Variants in SAMSN1 observed in about 807,000 individuals in gnomAD.
SAMSN1 encodes SAM domain, SH3 domain and nuclear localization signals 1, also known as SAM domain-containing protein SAMSN-1.
Under a neutral mutation model 42.0 loss-of-function variants are expected in SAMSN1, and 31 were observed. The observed-to-expected ratio is 0.74, with a 90% CI of 0.55 to 1.00. SAMSN1 has a LOEUF of 1.00. Among genes scored for constraint, SAMSN1 ranks in the 50% least tolerant of loss-of-function variants. The pLI, the probability that SAMSN1 is intolerant of heterozygous loss-of-function variation, is 0.00. For synonymous variants in SAMSN1, 178 were observed against 151.9 expected, an observed-to-expected ratio of 1.17 and a Z score of -1.26; for missense variants, 464 against 439.4, an observed-to-expected ratio of 1.06 and a Z score of -0.50.
intron 2 of SAMSN1, among the ~76,000 whole-genome samples, chr21:14,576,292 T>C (rs536835934): frequency 6.6e-6 from 1 of 152,184 alleles, no homozygotes; most frequent in African/African-American, 2.4e-5. Context: ...CTGATAATGG[T>C]GTGTCATGTT....
intron 2 of SAMSN1, among the ~76,000 whole-genome samples, chr21:14,629,535 C>T (rs1389295231): frequency 6.6e-6 from 1 of 152,164 alleles, no homozygotes; most frequent in Admixed American, 6.5e-5. Context: ...GGCTTGCTTG[C>T]CAGCCTGTCC....
At chr21:14,581,835 A>T (rs2123245757) in intron 2 of SAMSN1, among the ~76,000 whole-genome samples, 1 of 152,296 alleles carries the variant, frequency 6.6e-6, no homozygotes, top group South Asian at 2.1e-4. Flanking sequence ...AATTGCAATA[A>T]TTTAGACAGT....
chr21:14,621,276 G>A (rs1446316838), intron 2 of SAMSN1, among the ~76,000 whole-genome samples: 2 of 152,160 alleles, frequency 1.3e-5, no homozygotes, highest in African/African-American at 4.8e-5. Context: ...CTGAGGTACT[G>A]GGTTCATCTC....
chr21:14,569,119 C>T (rs545096064), intron 2 of SAMSN1, among the ~76,000 whole-genome samples: 1 of 116,908 alleles, frequency 8.6e-6, no homozygotes, highest in South Asian at 2.8e-4. Context: ...AGCAATACCT[C>T]ATTTCTATTT....
At chr21:14,585,809 C>A (rs1981898721), upstream of SAMSN1, among the ~76,000 whole-genome samples, 1 of 152,116 alleles carries the variant, frequency 6.6e-6, no homozygotes, top group African/African-American at 2.4e-5. Flanking sequence ...ATCCATAGTA[C>A]ATGTTTGATA....
At chr21:14,520,944 A>T (rs925872061) in intron 2 of SAMSN1, among the ~76,000 whole-genome samples, 8 of 152,046 alleles carry the variant, frequency 5.3e-5, no homozygotes, top group African/African-American at 1.9e-4. Flanking sequence ...TGTGTGCCTA[A>T]ATTTTCCTGG....
rs373071848 is a variant in SAMSN1, at chr21:14,521,255, T to C, written c.58-34A>G. 2.1e-5 allele frequency: 32 copies of C among 1,492,974 alleles called. No individual in the cohort carries two copies. The African/African-American group carries it at 4.5e-4, about 21-fold the overall frequency. The allele number at this position is 1,492,974 out of a possible 1,614,324, so 92.5% of individuals were successfully genotyped here. On this transcript the variant is annotated intron_variant, in intron 1 of 7. Coordinates refer to ENST00000400566, the MANE Select transcript of SAMSN1 (RefSeq NM_022136.5). Reference sequence around the variant, plus strand: ...TAGAAAAGAAAAAGCAAAGGAAACTTAGAATTTATTTTCACTGTCCAAACT... The same window carrying C: ...TAGAAAAGAAAAAGCAAAGGAAACTCAGAATTTATTTTCACTGTCCAAACT...
chr21:14,619,961 G>A (rs1339259577), intron 2 of SAMSN1, among the ~76,000 whole-genome samples: 1 of 148,828 alleles, frequency 6.7e-6, no homozygotes, highest in African/African-American at 2.6e-5. Context: ...AGCCTTCAGA[G>A]GAGGAGAAGG....
At chr21:14,515,301 C>T (rs1181234992) in intron 3 of SAMSN1, among the ~76,000 whole-genome samples, 5 of 151,950 alleles carry the variant, frequency 3.3e-5, no homozygotes, top group African/African-American at 1.2e-4. Flanking sequence ...AATTGGGAGT[C>T]CATAAGTAAA....
intron 7 of SAMSN1, chr21:14,592,259 G>GA (rs1212493920): frequency 4.6e-5 from 7 of 152,230 alleles, no homozygotes; most frequent in Non-Finnish European, 7.3e-5. Context: ...TGAACAATAG[G>GA]AAATTTAAGA....
chr21:14,609,521 T>C (rs1982651597), exon 5 of SAMSN1: 6 of 718,088 alleles, frequency 8.4e-6, no homozygotes, highest in Non-Finnish European at 1.6e-5. Context: ...GAATCATTCT[T>C]ATGCTTGCTG....
intron 4 of SAMSN1, among the ~76,000 whole-genome samples, chr21:14,612,194 T>C (rs1321230138): frequency 6.6e-6 from 1 of 152,146 alleles, no homozygotes; most frequent in Non-Finnish European, 1.5e-5. Context: ...GATTGCACCA[T>C]TGCATTTCCA....
intron 2 of SAMSN1, among the ~76,000 whole-genome samples, chr21:14,626,734 C>G (rs550129994): frequency 1.3e-5 from 2 of 152,314 alleles, no homozygotes; most frequent in South Asian, 4.1e-4. Flanking sequence ...CCTCAGGGAT[C>G]TAGAACTAGA....
chr21:14,587,733 T>G (rs1981960754), upstream of SAMSN1, among the ~76,000 whole-genome samples: 3 of 151,702 alleles, frequency 2.0e-5, no homozygotes, highest in Admixed American at 1.3e-4. Context: ...TTTTGTTGTT[T>G]TATCCATCAC....
chr21:14,558,003 A>G (rs1006569903), intron 2 of SAMSN1, among the ~76,000 whole-genome samples: 1 of 152,164 alleles, frequency 6.6e-6, no homozygotes, highest in Non-Finnish European at 1.5e-5. Context: ...ATGAGCCTTC[A>G]TGTCACCTCC....
intron 2 of SAMSN1, among the ~76,000 whole-genome samples, chr21:14,622,231 G>T (rs1024551496): frequency 6.6e-6 from 1 of 152,230 alleles, no homozygotes; most frequent in African/African-American, 2.4e-5. Context: ...TCCTCCAAAG[G>T]AATGCAGCTC....
intron 7 of SAMSN1, chr21:14,592,369 A>G (rs1488043044): frequency 1.3e-5 from 2 of 152,712 alleles, no homozygotes; most frequent in African/African-American, 2.4e-5. Context: ...AAACATTTTT[A>G]TCTAATATTT....
intron 2 of SAMSN1, among the ~76,000 whole-genome samples, chr21:14,623,485 G>A (rs1189916712): frequency 6.6e-6 from 1 of 152,148 alleles, no homozygotes; most frequent in African/African-American, 2.4e-5. Context: ...CCTAGTCTCT[G>A]ATAAAACAGA....
chr21:14,577,284 A>AT (rs58491748), intron 2 of SAMSN1, among the ~76,000 whole-genome samples: 793 of 53,780 alleles, frequency 0.015, 59 homozygotes, highest in African/African-American at 0.019. Context: ...ATATATATAT[A>AT]TTTTTTTTTT....
Sources: gnomAD v4.1 joint callset for allele counts (sites outside exome capture counted in the v4.1 genomes callset) on GRCh38, gnomAD v4.1.1 for gene constraint, MANE v1.5 for transcripts, NCBI Gene and HGNC (gene_info 2026-07-23, HGNC 2026-07-21) for gene names.